PKHD1: variants seen among roughly 807,000 people sequenced by gnomAD.
PKHD1 encodes fibrocystin.
PKHD1 carries 291 observed loss-of-function variants against 412.0 expected under a neutral mutation model. The ratio of observed to expected loss-of-function variants is 0.71; its 90% CI spans 0.64 to 0.78. PKHD1 has a LOEUF of 0.78. Ranked by LOEUF, PKHD1 falls within the 30% of genes least tolerant of loss-of-function variation. The pLI is 0.00. For missense variants in PKHD1, 4,825 were observed against 4,950.7 expected (o/e 0.97, Z 0.76); for synonymous variants, 1,777 against 1,821.5 (o/e 0.98, Z 0.62).
At chr6:51,681,018 T>C (rs887154474) in intron 60 of PKHD1, among the ~76,000 whole-genome samples, 1 of 151,998 alleles carries the variant, frequency 6.6e-6, no homozygotes, top group African/African-American at 2.4e-5. Context: ...ATAAGTGGCA[T>C]CCCTCTATTG....
intron 42 of PKHD1, 65 bp downstream of exon 42, chr6:51,903,921 G>T: frequency 8.8e-7 from 1 of 1,134,254 alleles, no homozygotes; most frequent in Non-Finnish European, 1.3e-6. Context: ...CATCAGGCTT[G>T]TCTATAAAAT....
At chr6:51,874,517 G>C (rs1048870152) in intron 46 of PKHD1, among the ~76,000 whole-genome samples, 1 of 152,158 alleles carries the variant, frequency 6.6e-6, no homozygotes, top group African/African-American at 2.4e-5. Flanking sequence ...TCCTTCTGAT[G>C]ATAAAAAGTT....
intron 55 of PKHD1, among the ~76,000 whole-genome samples, chr6:51,756,813 TC>T (rs565613672): frequency 2.3e-3 from 353 of 152,316 alleles, no homozygotes; most frequent in Middle Eastern, 0.01. Context: ...TTGAAATTAA[TC>T]CTTTACTTCA....
Position 51,911,880 on chromosome 6 carries a change from T to TGTG in PKHD1, c.6408_6409insCAC (p.Ser2136_Arg2137insHis), listed in dbSNP as rs1783000644. The TGTG allele has an allele frequency of 6.2e-7, 1 of 1,611,980 alleles. No individual in the cohort carries two copies. Among genetic ancestry groups the TGTG allele is most frequent in the South Asian group, 1.1e-5 (1 of 91,064 alleles). ...AGATTTCCTTGTATGGTAATACTCC[T>TGTG]GCTGAGCAGAGCCACAGTGGCCTTT... On this transcript the variant is annotated inframe_insertion, in exon 39 of 67. Coordinates refer to ENST00000371117, the MANE Select transcript of PKHD1 (RefSeq NM_138694.4).
chr6:51,808,155 GAAT>G (rs1248874903), intron 52 of PKHD1, among the ~76,000 whole-genome samples: 1 of 152,106 alleles, frequency 6.6e-6, no homozygotes, highest in Non-Finnish European at 1.5e-5. Context: ...TAATTACATG[GAAT>G]AATAATAGCT....
intron 60 of PKHD1, among the ~76,000 whole-genome samples, chr6:51,679,162 A>T (rs1776279656): frequency 6.6e-6 from 1 of 152,078 alleles, no homozygotes; most frequent in Admixed American, 6.6e-5. Flanking sequence ...TAACCAGTGG[A>T]GAATTTTTTT....
At chr6:51,893,915 CTCT>C (rs1272265590) in intron 43 of PKHD1, among the ~76,000 whole-genome samples, 10 of 152,184 alleles carry the variant, frequency 6.6e-5, no homozygotes, top group African/African-American at 1.9e-4. Flanking sequence ...CTCCAAAGGG[CTCT>C]TCTTCAGAGT....
intron 14 of PKHD1, 49 bp downstream of exon 14, chr6:52,062,470 G>A: frequency 6.2e-7 from 1 of 1,604,610 alleles, no homozygotes; most frequent in Non-Finnish European, 8.5e-7. Flanking sequence ...CCTCACCTAG[G>A]TTAGCAAAGG....
chr6:52,074,839 G>T (rs1425009448), intron 6 of PKHD1, among the ~76,000 whole-genome samples: 2 of 152,210 alleles, frequency 1.3e-5, no homozygotes, highest in Non-Finnish European at 2.9e-5. Context: ...CAAAGATGCA[G>T]TCGTATGGAT....
At chr6:52,083,343 C>T (rs550389996) in intron 2 of PKHD1, 88 bp from the exon 3 acceptor site, 374 of 865,370 alleles carry the variant, frequency 4.3e-4, no homozygotes, top group Non-Finnish European at 6.9e-4. Context: ...TTTAACCTGC[C>T]TCAGAATCAC....
intron 36 of PKHD1, among the ~76,000 whole-genome samples, chr6:51,956,344 C>T (rs1284175255): frequency 6.6e-6 from 1 of 151,064 alleles, no homozygotes; most frequent in Admixed American, 6.6e-5. Context: ...TCAGTGAGAA[C>T]AACTAAGGAC....
intron 51 of PKHD1, among the ~76,000 whole-genome samples, chr6:51,831,333 C>T (rs1768209208): frequency 6.6e-6 from 1 of 152,098 alleles, no homozygotes; most frequent in African/African-American, 2.4e-5. Flanking sequence ...TTTCTGTTTC[C>T]TTCCAGAATT....
Position 52,028,312 on chromosome 6 carries a change from T to A in PKHD1, c.3404A>T (p.Asn1135Ile). 6.2e-7 allele frequency: 1 copy of A among 1,614,034 alleles called. No individual in the cohort carries two copies. Among genetic ancestry groups the A allele is most frequent in the Non-Finnish European group, 8.5e-7 (1 of 1,180,008 alleles). The change falls in exon 30 of 67, where the codon AAC (asparagine) becomes ATC (isoleucine). Residue 1135 changes from asparagine (N) to isoleucine (I), a missense_variant. Transcript: ENST00000371117. ...GACTTCCACATCCAAATCCGTATAG[T>A]TCATCAGCCTCGCCACTCCAATGAC... Reference protein sequence around the residue: ...TLVIGVARLMNYTDLDVEVHV... With the variant: ...TLVIGVARLMIYTDLDVEVHV...
At chr6:51,935,052 C>A (rs954831775) in intron 36 of PKHD1, among the ~76,000 whole-genome samples, 1 of 152,220 alleles carries the variant, frequency 6.6e-6, no homozygotes, top group African/African-American at 2.4e-5. Flanking sequence ...GCCTGCCCCA[C>A]CACCCGCCAC....
intron 60 of PKHD1, among the ~76,000 whole-genome samples, chr6:51,723,755 C>G (rs1485034545): frequency 6.6e-6 from 1 of 152,074 alleles, no homozygotes; most frequent in Non-Finnish European, 1.5e-5. Context: ...TCTTAAATCA[C>G]CAGGTCTGGG....
chr6:51,909,212 C>T (rs1782589289), intron 40 of PKHD1, 71 bp downstream of exon 40: 2 of 1,098,220 alleles, frequency 1.8e-6, no homozygotes, highest in South Asian at 1.2e-5. Flanking sequence ...ATCTATCATT[C>T]CACCATGCAT....
intron 35 of PKHD1, among the ~76,000 whole-genome samples, chr6:51,982,172 TC>T (rs1562050828): frequency 2.5e-5 from 1 of 40,578 alleles, no homozygotes; most frequent in Non-Finnish European, 5.4e-5. Context: ...AGCCACCCCG[TC>T]CGGGAGGGAG....
At chr6:51,889,055 A>C (rs1192486193) in intron 43 of PKHD1, among the ~76,000 whole-genome samples, 2 of 152,206 alleles carry the variant, frequency 1.3e-5, no homozygotes, top group South Asian at 4.2e-4. Flanking sequence ...TAGGCTGCTC[A>C]GGTGTAAGCC....
chr6:52,070,294 TTA>T (rs1318712501), intron 10 of PKHD1, 110 bp downstream of exon 10: 2 of 776,576 alleles, frequency 2.6e-6, no homozygotes, highest in East Asian at 2.6e-5. Context: ...TATTCTGTTT[TTA>T]TATGTTTAAC....
Sources: allele counts gnomAD v4.1 joint callset (sites outside exome capture counted in the v4.1 genomes callset), GRCh38; gene constraint gnomAD v4.1.1; transcripts MANE v1.5; gene names NCBI Gene and HGNC (gene_info 2026-07-23, HGNC 2026-07-21).